The following CTNNA2 variants were observed in gnomAD, a reference collection of about 807,000 sequenced individuals.
CTNNA2 encodes catenin alpha-2.
Under a neutral mutation model 101.0 loss-of-function variants are expected in CTNNA2, and 42 were observed. The ratio of observed to expected loss-of-function variants is 0.42; its 90% confidence interval spans 0.32 to 0.54. The LOEUF is 0.54. Among genes scored for constraint, CTNNA2 ranks in the 20% least tolerant of loss-of-function variants. CTNNA2 has a pLI of 0.14. For synonymous variants in CTNNA2, 450 were observed against 456.4 expected, an observed-to-expected ratio of 0.99 and a Z score of 0.18; for missense variants, 871 against 1,223.1, an observed-to-expected ratio of 0.71 and a Z score of 4.29.
At chr2:79,660,156 AGTAT>A (rs1681921619) in intron 2 of CTNNA2, among the ~76,000 whole-genome samples, 1 of 150,910 alleles carries the variant, frequency 6.6e-6, no homozygotes, top group South Asian at 2.1e-4. Context: ...ACACACAAGT[AGTAT>A]GTATGTATGC....
At chr2:80,442,636 G>T (rs372740337) in intron 9 of CTNNA2, among the ~76,000 whole-genome samples, 1 of 152,126 alleles carries the variant, frequency 6.6e-6, no homozygotes, top group African/African-American at 2.4e-5. Flanking sequence ...TTAATATACC[G>T]TCTCTGTCTT....
At chr2:80,101,089 G>A (rs1181384889) in intron 7 of CTNNA2, among the ~76,000 whole-genome samples, 1 of 152,178 alleles carries the variant, frequency 6.6e-6, no homozygotes, top group Non-Finnish European at 1.5e-5. Flanking sequence ...ATGAAATAAA[G>A]TATCCAAGTG....
intron 7 of CTNNA2, among the ~76,000 whole-genome samples, chr2:79,988,466 ATGTGTG>A (rs70940067): frequency 0.034 from 5,042 of 149,090 alleles, 215 homozygotes; most frequent in African/African-American, 0.11. Context: ...GTGTATGTGT[ATGTGTG>A]TGTGTGTGTG....
At chr2:79,865,976 C>T (rs903576860) in intron 4 of CTNNA2, among the ~76,000 whole-genome samples, 1 of 152,222 alleles carries the variant, frequency 6.6e-6, no homozygotes, top group African/African-American at 2.4e-5. Flanking sequence ...GCCTCGGCCT[C>T]CCGAAGTGCT....
chr2:79,992,311 A>C (rs549983124), intron 7 of CTNNA2, among the ~76,000 whole-genome samples: 15 of 152,332 alleles, frequency 9.8e-5, no homozygotes, highest in African/African-American at 3.4e-4. Context: ...AAAAAAAGAA[A>C]AGAAATGATT....
chr2:79,257,212 A>G (rs1298970549), intron 2 of CTNNA2, among the ~76,000 whole-genome samples: 3 of 152,196 alleles, frequency 2.0e-5, no homozygotes, highest in Non-Finnish European at 4.4e-5. Flanking sequence ...AACCAAAAAT[A>G]GCATGCTGAA....
chr2:80,064,396 C>CAGT (rs891776759), intron 7 of CTNNA2, among the ~76,000 whole-genome samples: 63 of 152,220 alleles, frequency 4.1e-4, no homozygotes, highest in African/African-American at 1.2e-3. Context: ...AGAAACACTA[C>CAGT]AGGACCATCT....
chr2:80,122,261 T>C (rs1701883965), intron 7 of CTNNA2, among the ~76,000 whole-genome samples: 1 of 151,002 alleles, frequency 6.6e-6, no homozygotes, highest in Non-Finnish European at 1.5e-5. Flanking sequence ...CTCTCTCTGT[T>C]TCCCTCTCTT....
intron 9 of CTNNA2, among the ~76,000 whole-genome samples, chr2:80,542,937 T>C (rs1691708449): frequency 1.3e-5 from 2 of 152,018 alleles, no homozygotes; most frequent in South Asian, 4.1e-4. Context: ...GTACCACAGA[T>C]CAGAATGTAG....
At chr2:79,949,980 C>A (rs943457799) in intron 7 of CTNNA2, among the ~76,000 whole-genome samples, 2 of 151,878 alleles carry the variant, frequency 1.3e-5, no homozygotes, top group African/African-American at 2.4e-5. Context: ...AGAGTAGATT[C>A]CTCTTTAAGC....
At chr2:80,495,799 G>A (rs1479880566) in intron 9 of CTNNA2, among the ~76,000 whole-genome samples, 1 of 152,024 alleles carries the variant, frequency 6.6e-6, no homozygotes, top group Non-Finnish European at 1.5e-5. Context: ...AATTAGCCGG[G>A]CATGGTGGCA....
chr2:80,416,496 G>T (rs1292199554), intron 8 of CTNNA2, among the ~76,000 whole-genome samples: 1 of 151,966 alleles, frequency 6.6e-6, no homozygotes, highest in Admixed American at 6.6e-5. Flanking sequence ...CATAGGAAAT[G>T]ATGAATTAAA....
In CTNNA2 at chr2:79,373,671, T is replaced by G. The variant is rs1021186425; in HGVS notation, c.-317-160T>G. 1.6e-3 allele frequency among the ~76,000 whole-genome samples: 10 copies of G among 6,428 alleles called. No individual in the cohort carries two copies. The African/African-American group carries it at 0.03, about 20-fold the overall frequency. The allele number at this position is 6,428 out of a possible 152,430, so 4.2% of individuals were successfully genotyped here. ...AAAAACGGTAACTCCCTGGAAGCAT[T>G]TTTTTAAATACCCAGTGAGTTACAC... On this transcript the variant is annotated intron_variant, in intron 3 of 21. Transcript: ENST00000466387.
intron 7 of CTNNA2, among the ~76,000 whole-genome samples, chr2:80,097,478 T>A (rs866641705): frequency 6.6e-6 from 1 of 152,180 alleles, no homozygotes; most frequent in African/African-American, 2.4e-5. Context: ...CTGACAATTA[T>A]GTGTCTTGGA....
At chr2:79,356,577 CA>C (rs1236668690) in intron 3 of CTNNA2, among the ~76,000 whole-genome samples, 2 of 152,016 alleles carry the variant, frequency 1.3e-5, no homozygotes, top group Non-Finnish European at 2.9e-5. Context: ...GCAGAAATAC[CA>C]ATAAGATGGC....
intron 3 of CTNNA2, among the ~76,000 whole-genome samples, chr2:79,793,303 T>C (rs1573982908): frequency 6.6e-6 from 1 of 151,958 alleles, no homozygotes; most frequent in East Asian, 1.9e-4. Flanking sequence ...GCAGTGTGAG[T>C]CTCAAATTCA....
intron 7 of CTNNA2, among the ~76,000 whole-genome samples, chr2:79,962,869 A>G (rs1689744413): frequency 6.6e-6 from 1 of 152,106 alleles, no homozygotes; most frequent in African/African-American, 2.4e-5. Context: ...CAGGAGATCG[A>G]GACCATCCTG....
chr2:79,603,445 C>T (rs1677678714), intron 1 of CTNNA2, among the ~76,000 whole-genome samples: 1 of 152,006 alleles, frequency 6.6e-6, no homozygotes, highest in Non-Finnish European at 1.5e-5. Context: ...AATCCAAAAA[C>T]TAAGTGAAAA....
At chr2:79,247,245 T>C (rs1196906052) in intron 2 of CTNNA2, among the ~76,000 whole-genome samples, 11 of 152,214 alleles carry the variant, frequency 7.2e-5, no homozygotes, top group Non-Finnish European at 5.9e-5. Context: ...CCAACATGCA[T>C]TGTGGAATTC....
Sources: gnomAD v4.1 joint callset for allele counts (sites outside exome capture counted in the v4.1 genomes callset) on GRCh38, gnomAD v4.1.1 for gene constraint, MANE v1.5 for transcripts, NCBI Gene and HGNC (gene_info 2026-07-23, HGNC 2026-07-21) for gene names.